The following KDM1B variants were observed in gnomAD, a reference collection of about 807,000 sequenced individuals.
KDM1B encodes the protein lysine demethylase 1B.
KDM1B carries 63 observed loss-of-function variants against 107.4 expected under a neutral mutation model. The ratio of observed to expected loss-of-function variants is 0.59; its 90% confidence interval spans 0.48 to 0.72. The LOEUF (loss-of-function observed/expected upper bound fraction) is 0.72. KDM1B is among the 30% of genes least tolerant of loss of function. KDM1B has a pLI of 0.00. For synonymous variants in KDM1B, 363 were observed against 363.9 expected, an observed-to-expected ratio of 1.00 and a Z score of 0.03; for missense variants, 749 against 1,020.8, an observed-to-expected ratio of 0.73 and a Z score of 3.63.
At chr6:18,166,862 A>G (rs1251206551) in intron 6 of KDM1B, among the ~76,000 whole-genome samples, 1 of 151,992 alleles carries the variant, frequency 6.6e-6, no homozygotes, top group East Asian at 1.9e-4. Flanking sequence ...TCAAAAAAAA[A>G]AAAATGGTTT....
In KDM1B at chr6:18,204,202, C is replaced by G. The variant is rs970453741; in HGVS notation, c.1532-1335C>G. ...CTTCTAGTCAGAGAAGTGTGTGACA[C>G]TCTGTTAAACTTGGGATTACACCTG... On this transcript the variant is annotated intron_variant, in intron 14 of 21. Transcript: ENST00000650836. This position sits in a 1 kb window ranked among gnomAD's most constrained non-coding sequence, Gnocchi z 4.9. Among the ~76,000 whole-genome samples, 1 of 151,984 alleles carries G rather than the reference C, an allele frequency of 6.6e-6. No individual in the cohort carries two copies. The highest frequency in any genetic ancestry group is 1.5e-5 in the Non-Finnish European group (1 of 68,014).
rs1162394744 is a variant in KDM1B, at chr6:18,162,977, G to T, written c.305+53G>T. 2 of 1,073,424 alleles carry T rather than the reference G, an allele frequency of 1.9e-6. No homozygotes were observed. Among genetic ancestry groups the T allele is most frequent in the Non-Finnish European group, 2.9e-6 (2 of 686,784 alleles). The allele number at this position is 1,073,424 out of a possible 1,614,324, so 66.5% of individuals were successfully genotyped here. A position where few individuals can be genotyped will look rare whatever the true frequency, so the allele number is the denominator to read the frequency against. Reference sequence around the variant, plus strand: ...CCTGGAGAAGGGGACCGTGGCAGGGGCAGTGCGTGTGGTCAGCTGATTAAA... The same window carrying T: ...CCTGGAGAAGGGGACCGTGGCAGGGTCAGTGCGTGTGGTCAGCTGATTAAA... On this transcript the variant is annotated intron_variant, in intron 5 of 21. Coordinates refer to ENST00000650836, the MANE Select transcript of KDM1B (RefSeq NM_001364614.2). This position sits in a 1 kb window ranked among gnomAD's most constrained non-coding sequence, Gnocchi z 4.1.
intron 7 of KDM1B, among the ~76,000 whole-genome samples, chr6:18,176,611 T>C (rs1028139113): frequency 1.3e-5 from 2 of 152,192 alleles, no homozygotes; most frequent in Non-Finnish European, 1.5e-5. Context: ...TGGCTTTTAT[T>C]ACATTGAGGT....
In KDM1B at chr6:18,176,305, G is replaced by C. The variant is rs373689500; in HGVS notation, c.534+4826G>C. 3.3e-5 allele frequency among the ~76,000 whole-genome samples: 5 copies of C among 152,244 alleles called. No individual in the cohort carries two copies. The East Asian group carries it at 7.7e-4, about 24-fold the overall frequency. ...CTACTGATCTGTGTACATTAATCTT[G>C]TATCTGGAAACTTTGCTAACTTCTT... On this transcript the variant is annotated intron_variant, in intron 7 of 21. Coordinates refer to ENST00000650836, the MANE Select transcript of KDM1B (RefSeq NM_001364614.2).
rs1789055041 is a variant in KDM1B at position 18,214,212 on chromosome 6, A to C, written c.2109+431A>C. 6.6e-6 allele frequency among the ~76,000 whole-genome samples: 1 copy of C among 152,104 alleles called. No individual in the cohort carries two copies. Among genetic ancestry groups the C allele is most frequent in the Admixed American group, 6.5e-5 (1 of 15,280 alleles). ...GGAAGGAAGGAGAGAGGAGAATGGCATACCCAGAGCTGGACGGGGGTGGTC... is the reference window on the plus strand; with the variant it reads ...GGAAGGAAGGAGAGAGGAGAATGGCCTACCCAGAGCTGGACGGGGGTGGTC... On this transcript the variant is annotated intron_variant, in intron 19 of 21. Transcript: ENST00000650836. The surrounding 1 kb of genome is among the most constrained non-coding windows in gnomAD (Gnocchi z 4.4).
rs928462797 is a variant in KDM1B at position 18,191,708 on chromosome 6, C to T, written c.969+327C>T. ...ACCACACATAGTCAGAATGCTGACTCTCCAGTGGTGAGTATAAGGTGCAAG... is the reference window on the plus strand; with the variant it reads ...ACCACACATAGTCAGAATGCTGACTTTCCAGTGGTGAGTATAAGGTGCAAG... On this transcript the variant is annotated intron_variant, in intron 10 of 21. Coordinates refer to ENST00000650836, the MANE Select transcript of KDM1B (RefSeq NM_001364614.2). The surrounding 1 kb of genome is among the most constrained non-coding windows in gnomAD (Gnocchi z 5.1). Among the ~76,000 whole-genome samples, 1 of 152,178 alleles carries T rather than the reference C, an allele frequency of 6.6e-6. No individual in the cohort carries two copies. Among genetic ancestry groups the T allele is most frequent in the Non-Finnish European group, 1.5e-5 (1 of 68,044 alleles).
chr6:18,197,676 A>G lies in KDM1B; in HGVS notation c.1221+15A>G, dbSNP rs548240037. 6.2e-7 allele frequency: 1 copy of G among 1,605,408 alleles called. No homozygotes were observed. Among genetic ancestry groups the G allele is most frequent in the Non-Finnish European group, 8.5e-7 (1 of 1,172,320 alleles). On this transcript the variant is annotated intron_variant, in intron 12 of 21. Coordinates refer to ENST00000650836, the MANE Select transcript of KDM1B (RefSeq NM_001364614.2). This position sits in a 1 kb window ranked among gnomAD's most constrained non-coding sequence, Gnocchi z 4.5. Reference sequence around the variant, plus strand: ...TTGGAATTAAGGTAGGATTTTGGGGACATGGAGTTAGAACAGATGGTTGAC... The same window carrying G: ...TTGGAATTAAGGTAGGATTTTGGGGGCATGGAGTTAGAACAGATGGTTGAC...
chr6:18,181,485 T>G (rs376860967), intron 7 of KDM1B, among the ~76,000 whole-genome samples: 2 of 152,176 alleles, frequency 1.3e-5, no homozygotes, highest in African/African-American at 2.4e-5. Flanking sequence ...TGGGAATCAG[T>G]TGGGCGCAGT....
Position 18,197,160 on chromosome 6 carries a change from G to A in KDM1B, c.1073G>A (p.Arg358Lys), listed in dbSNP as rs142151525. 1.5e-4 allele frequency: 248 copies of A among 1,614,026 alleles called. No homozygotes were observed. Among genetic ancestry groups the A allele is most frequent in the Non-Finnish European group, 2.0e-4 (234 of 1,180,028 alleles). The change falls in exon 11 of 22, where the codon AGA (arginine) becomes AAA (lysine). Residue 358 changes from arginine to lysine, a missense_variant. Coordinates refer to ENST00000650836, the MANE Select transcript of KDM1B (RefSeq NM_001364614.2). The surrounding 1 kb of genome is among the most constrained non-coding windows in gnomAD (Gnocchi z 4.5). ...EVERILYFMT[R>K]KGLINTGVLS... Reference sequence around the variant, plus strand: ...GAGAGAATACTGTATTTTATGACCAGAAAAGGTCTCATCAACACTGGAGTT... The same window carrying A: ...GAGAGAATACTGTATTTTATGACCAAAAAAGGTCTCATCAACACTGGAGTT...
At chr6:18,176,141 T>G (rs1386155459) in intron 7 of KDM1B, among the ~76,000 whole-genome samples, 1 of 152,222 alleles carries the variant, frequency 6.6e-6, no homozygotes, top group African/African-American at 2.4e-5. Flanking sequence ...AGCAGTGTTT[T>G]GTAGTTTTCC....
Position 18,205,606 on chromosome 6 carries a change from A to G in KDM1B, c.1601A>G (p.Gln534Arg). The G allele has an allele frequency of 3.9e-6, 6 of 1,543,412 alleles. 1 individual carries two copies. Among genetic ancestry groups the G allele is most frequent in the Non-Finnish European group, 5.2e-6 (6 of 1,143,644 alleles). ...SGIQFSELEGQVLQFHLSNLE... is the reference protein window; with the variant it reads ...SGIQFSELEGRVLQFHLSNLE... ...ATCCAATTCAGTGAGCTGGAGGGAC[A>G]GGTGCTTCAGTTCCATCTCAGTAAC... The change falls in exon 15 of 22, where the codon CAG (glutamine) becomes CGG (arginine). Residue 534 changes from glutamine to arginine, a missense_variant. By Grantham distance (43) the Gln-to-Arg change is conservative (BLOSUM62 1). Coordinates refer to ENST00000650836, the MANE Select transcript of KDM1B (RefSeq NM_001364614.2). This position sits in a 1 kb window ranked among gnomAD's most constrained non-coding sequence, Gnocchi z 5.7.
At chr6:18,185,039 C>CT (rs924290787) in intron 7 of KDM1B, among the ~76,000 whole-genome samples, 2 of 151,764 alleles carry the variant, frequency 1.3e-5, no homozygotes, top group African/African-American at 4.8e-5. Flanking sequence ...CAGTTTCTAG[C>CT]TTTTTTTGAA....
chr6:18,215,749 T>C (rs542766980), intron 20 of KDM1B, among the ~76,000 whole-genome samples: 1 of 152,140 alleles, frequency 6.6e-6, no homozygotes, highest in South Asian at 2.1e-4. Context: ...CCCTTTTTTT[T>C]TTTTTTTGTA....
chr6:18,207,343 A>G, intron 15 of KDM1B, 55 bp from the exon 16 acceptor site: 1 of 1,593,302 alleles, frequency 6.3e-7, no homozygotes, highest in East Asian at 2.3e-5. Context: ...ATTGGCTCTC[A>G]GGCACAGGCA....
Position 18,185,794 on chromosome 6 carries a change from C to T in KDM1B, c.557C>T (p.Ser186Phe). 1 of 1,613,934 alleles carries T rather than the reference C, an allele frequency of 6.2e-7. No individual in the cohort carries two copies. Among genetic ancestry groups the T allele is most frequent in the Non-Finnish European group, 8.5e-7 (1 of 1,179,878 alleles). ...TAGCCTGAGACCTCAGATCATTGTT[C>T]CCTCCCAGAGGATCTAGTGAGTATT... ...AIKPETSDHC[S>F]LPEDLRVLEV... is the part of the protein sequence containing the mutation. The change falls in exon 8 of 22, where the codon TCC (serine) becomes TTC (phenylalanine). Residue 186 changes from serine to phenylalanine, a missense_variant. Coordinates refer to ENST00000650836, the MANE Select transcript of KDM1B (RefSeq NM_001364614.2).
chr6:18,215,846 GA>G (rs1789184450), intron 20 of KDM1B, among the ~76,000 whole-genome samples: 1 of 151,714 alleles, frequency 6.6e-6, no homozygotes, highest in Admixed American at 6.6e-5. Context: ...CTTTTAAGAG[GA>G]GCCTTGGCCA....
chr6:18,157,808 CTTTTTTTTTTTTTT>C (rs67631382), intron 2 of KDM1B, among the ~76,000 whole-genome samples: 1 of 115,630 alleles, frequency 8.6e-6, no homozygotes. Context: ...GTAGATAGTC[CTTTTTTTTTTTTTT>C]TTTTTTTTGA....
intron 2 of KDM1B, among the ~76,000 whole-genome samples, chr6:18,158,323 C>CAAAAAAAAAAAAAAAAAAAAAAAAAA (rs56971577): frequency 1.0e-5 from 1 of 99,474 alleles, no homozygotes; most frequent in South Asian, 3.4e-4. Context: ...GACTCCTTCA[C>CAAAAAAAAAAAAAAAAAAAAAAAAAA]AAAAAAAAAA....
chr6:18,220,001 T>TTA (rs1789557370), intron 21 of KDM1B, among the ~76,000 whole-genome samples: 1 of 152,176 alleles, frequency 6.6e-6, no homozygotes, highest in African/African-American at 2.4e-5. Context: ...TAATTGCTCT[T>TTA]TATAGTCTTT....
Sources: allele counts gnomAD v4.1 joint callset (sites outside exome capture counted in the v4.1 genomes callset), GRCh38; gene constraint gnomAD v4.1.1; non-coding constraint Gnocchi (gnomAD v3.1); transcripts MANE v1.5; gene names NCBI Gene and HGNC (gene_info 2026-07-23, HGNC 2026-07-21).